MIPOL1: variants seen among roughly 807,000 people sequenced by gnomAD.
The protein encoded by MIPOL1 is mirror-image polydactyly gene 1 protein.
Under a neutral mutation model 60.9 loss-of-function variants are expected in MIPOL1, and 57 were observed. The observed-to-expected ratio is 0.94, with a 90% CI of 0.76 to 1.17. The LOEUF (loss-of-function observed/expected upper bound fraction) is 1.17, where lower values mean the gene tolerates loss of function less well. Among genes scored for constraint, MIPOL1 ranks in the 50% most tolerant of loss-of-function variants. MIPOL1 has a pLI of 0.00. For synonymous variants in MIPOL1, 179 were observed against 168.8 expected, an observed-to-expected ratio of 1.06 and a Z score of -0.47; for missense variants, 551 against 511.6, an observed-to-expected ratio of 1.08 and a Z score of -0.74.
At chr14:37,272,274 T>C (rs2153393580) in intron 6 of MIPOL1, among the ~76,000 whole-genome samples, 1 of 151,730 alleles carries the variant, frequency 6.6e-6, no homozygotes, top group East Asian at 1.9e-4. Flanking sequence ...TTCCCAAAGT[T>C]GTTTTAAGGG....
At chr14:37,277,710 A>G (rs1240208215) in intron 6 of MIPOL1, 2 of 151,336 alleles carry the variant, frequency 1.3e-5, no homozygotes, top group African/African-American at 4.8e-5. Flanking sequence ...ATTTGACAAT[A>G]TATATTAAGA....
intron 6 of MIPOL1, 135 bp downstream of exon 6, chr14:37,270,660 T>TC: frequency 2.3e-6 from 1 of 431,140 alleles, no homozygotes; most frequent in Non-Finnish European, 4.1e-6. Flanking sequence ...TTTTTTTTTT[T>TC]GGCTGCTTAG....
At chr14:37,300,056 T>C (rs1338879996) in intron 7 of MIPOL1, among the ~76,000 whole-genome samples, 2 of 151,980 alleles carry the variant, frequency 1.3e-5, no homozygotes, top group Non-Finnish European at 2.9e-5. Context: ...CCTTATGTCA[T>C]TTGAAGGTTA....
At position 37,528,112 on chromosome 14, in the gene MIPOL1, A is replaced by G. The variant is rs111745063; in HGVS notation, c.1263-18793A>G. Among the ~76,000 whole-genome samples, 1,302 of 152,208 alleles carry G rather than the reference A, an allele frequency of 8.6e-3. 21 individuals are homozygous for G. Among genetic ancestry groups the G allele is most frequent in the African/African-American group, 0.029 (1,195 of 41,572 alleles). On this transcript the variant is annotated intron_variant, in intron 12 of 12. Coordinates refer to ENST00000684589, the MANE Select transcript of MIPOL1 (RefSeq NM_001388067.1). ...AAAATGCTTTTTTCATCCATCATACATATTTTTACAAATTACTAAAGTAAT... is the reference window on the plus strand; with the variant it reads ...AAAATGCTTTTTTCATCCATCATACGTATTTTTACAAATTACTAAAGTAAT...
chr14:37,385,593 A>G (rs540442421), intron 10 of MIPOL1: 1 of 152,032 alleles, frequency 6.6e-6, no homozygotes, highest in Non-Finnish European at 1.5e-5. Context: ...TTACACTTTT[A>G]TTTTCTGTTG....
At chr14:37,470,664 A>G (rs571529381) in intron 11 of MIPOL1, among the ~76,000 whole-genome samples, 1 of 152,210 alleles carries the variant, frequency 6.6e-6, no homozygotes, top group East Asian at 1.9e-4. Context: ...GTAGTTCTTT[A>G]TAGTAACGTG....
chr14:37,440,098 CA>C (rs1027731978), intron 11 of MIPOL1, among the ~76,000 whole-genome samples: 1 of 152,204 alleles, frequency 6.6e-6, no homozygotes, highest in African/African-American at 2.4e-5. Context: ...TCTCCCAGCT[CA>C]GCTTCCCAAA....
chr14:37,261,724 C>A (rs1446980193), intron 3 of MIPOL1, among the ~76,000 whole-genome samples: 1 of 152,068 alleles, frequency 6.6e-6, no homozygotes, highest in Non-Finnish European at 1.5e-5. Context: ...TAACACTTTT[C>A]TAAAAGATTT....
At chr14:37,355,413 T>C (rs1451848506) in intron 9 of MIPOL1, among the ~76,000 whole-genome samples, 2 of 147,548 alleles carry the variant, frequency 1.4e-5, no homozygotes, top group African/African-American at 5.0e-5. Flanking sequence ...AGGAGTATCT[T>C]TGTGGCGTTC....
At chr14:37,479,022 G>A (rs1387850262) in intron 11 of MIPOL1, among the ~76,000 whole-genome samples, 3 of 151,992 alleles carry the variant, frequency 2.0e-5, no homozygotes, top group Non-Finnish European at 2.9e-5. Context: ...GATATTAAAG[G>A]ATCAGTGGAG....
At chr14:37,244,310 A>G (rs899029129) in intron 1 of MIPOL1, among the ~76,000 whole-genome samples, 3 of 150,520 alleles carry the variant, frequency 2.0e-5, no homozygotes, top group African/African-American at 7.3e-5. Context: ...TTTAGTAGAG[A>G]CGGGGTTTCA....
chr14:37,303,456 G>A (rs1239765134), intron 7 of MIPOL1, among the ~76,000 whole-genome samples: 1 of 151,676 alleles, frequency 6.6e-6, no homozygotes, highest in African/African-American at 2.4e-5. Context: ...CTTTTATTTG[G>A]TTTATTCTAT....
At chr14:37,396,011 T>C (rs1332397473) in intron 10 of MIPOL1, among the ~76,000 whole-genome samples, 5 of 152,184 alleles carry the variant, frequency 3.3e-5, no homozygotes, top group Non-Finnish European at 5.9e-5. Context: ...CTTTCAATGT[T>C]AGTACTGAGA....
intron 3 of MIPOL1, among the ~76,000 whole-genome samples, chr14:37,262,665 C>T (rs918473313): frequency 1.3e-5 from 2 of 152,114 alleles, no homozygotes; most frequent in African/African-American, 2.4e-5. Context: ...CTAAGTAGTA[C>T]CTTCATCTTA....
At chr14:37,219,173 G>A (rs1594533242) in intron 1 of MIPOL1, among the ~76,000 whole-genome samples, 1 of 152,098 alleles carries the variant, frequency 6.6e-6, no homozygotes, top group Admixed American at 6.6e-5. Context: ...AAACCAACTT[G>A]ACAGGATTCT....
intron 9 of MIPOL1, among the ~76,000 whole-genome samples, chr14:37,315,994 A>G (rs541649591): frequency 6.6e-6 from 1 of 150,604 alleles, no homozygotes; most frequent in South Asian, 2.1e-4. Context: ...AGGGAAGGCA[A>G]GAGGGGAAAT....
chr14:37,514,134 T>C (rs1366449714), intron 12 of MIPOL1, among the ~76,000 whole-genome samples: 1 of 152,206 alleles, frequency 6.6e-6, no homozygotes, highest in Non-Finnish European at 1.5e-5. Flanking sequence ...CACATATCTA[T>C]TTTATATGAA....
chr14:37,310,519 A>G (rs549124160), intron 9 of MIPOL1, among the ~76,000 whole-genome samples: 3 of 152,034 alleles, frequency 2.0e-5, no homozygotes, highest in Non-Finnish European at 4.4e-5. Flanking sequence ...TTCTAACTAC[A>G]TGCTTCTATT....
intron 9 of MIPOL1, among the ~76,000 whole-genome samples, chr14:37,357,954 A>C (rs1035986293): frequency 6.6e-6 from 1 of 151,762 alleles, no homozygotes; most frequent in Non-Finnish European, 1.5e-5. Context: ...CTCGTCATTT[A>C]TGTTAGGTAT....
Sources: gnomAD v4.1 joint callset for allele counts (sites outside exome capture counted in the v4.1 genomes callset) on GRCh38, gnomAD v4.1.1 for gene constraint, MANE v1.5 for transcripts, NCBI Gene and HGNC (gene_info 2026-07-23, HGNC 2026-07-21) for gene names.